Variants in TENM2 observed in about 807,000 individuals in gnomAD.
The protein encoded by TENM2 is teneurin-2.
In TENM2, 52 loss-of-function variants were observed where a neutral mutation model predicts 245.2. The ratio of observed to expected loss-of-function variants is 0.21; its 90% CI spans 0.17 to 0.27. TENM2 has a LOEUF of 0.27. Ranked by LOEUF, TENM2 falls within the 10% of genes least tolerant of loss-of-function variation. The pLI, the probability that TENM2 is intolerant of heterozygous loss-of-function variation, is 1.00. For missense variants in TENM2, 3,046 were observed against 3,666.8 expected, an observed-to-expected ratio of 0.83 and a Z score of 4.37; for synonymous variants, 1,363 against 1,438.9, an observed-to-expected ratio of 0.95 and a Z score of 1.19.
the TENM2 span, among the ~76,000 whole-genome samples, chr5:167,138,681 G>A: frequency 6.6e-5 from 10 of 152,130 alleles, no homozygotes; most frequent in Admixed American, 5.9e-4. Context: ...ACAGTGCAGT[G>A]GCATGATCTT....
chr5:167,182,051 A>G, the TENM2 span, among the ~76,000 whole-genome samples: 1 of 152,224 alleles, frequency 6.6e-6, no homozygotes, highest in Non-Finnish European at 1.5e-5. Flanking sequence ...CATAATAACT[A>G]ATATCCCTAT....
intron 2 of TENM2, chr5:167,755,252 G>T (rs1222114615): frequency 2.3e-6 from 3 of 1,297,950 alleles, no homozygotes; most frequent in Non-Finnish European, 2.2e-6. Flanking sequence ...TCACTGACAG[G>T]GTAGTTGGAG....
chr5:167,851,053 C>A (rs1770535096), intron 2 of TENM2, among the ~76,000 whole-genome samples: 1 of 152,180 alleles, frequency 6.6e-6, no homozygotes, highest in Non-Finnish European at 1.5e-5. Context: ...AACCCAGCAG[C>A]AAAGAGCAAA....
chr5:168,200,265 A>G (rs146509213), intron 17 of TENM2, 134 bp downstream of exon 19: 9 of 777,072 alleles, frequency 1.2e-5, no homozygotes, highest in Middle Eastern at 2.4e-4. Context: ...GAAGACAGAC[A>G]AGATTCCTCT....
chr5:168,169,401 A>G (rs1758598806), intron 13 of TENM2, among the ~76,000 whole-genome samples: 1 of 152,186 alleles, frequency 6.6e-6, no homozygotes, highest in Non-Finnish European at 1.5e-5. Flanking sequence ...GCCTTGGGTT[A>G]AGAGACGTGG....
chr5:167,829,955 G>A (rs2151086971), intron 2 of TENM2, among the ~76,000 whole-genome samples: 1 of 152,306 alleles, frequency 6.6e-6, no homozygotes, highest in African/African-American at 2.4e-5. Context: ...GCTCCTCATG[G>A]AGAGGCAATC....
At chr5:167,039,297 A>C in the TENM2 span, among the ~76,000 whole-genome samples, 1 of 152,106 alleles carries the variant, frequency 6.6e-6, no homozygotes, top group South Asian at 2.1e-4. Context: ...AGACCCCCGC[A>C]CTGGGGAGAT....
At chr5:167,414,394 G>T (rs773204977) in intron 2 of TENM2, among the ~76,000 whole-genome samples, 14 of 152,146 alleles carry the variant, frequency 9.2e-5, no homozygotes, top group South Asian at 4.2e-4. Flanking sequence ...TTAAAAAATT[G>T]ATTGGAATGA....
intron 7 of TENM2, among the ~76,000 whole-genome samples, chr5:168,084,373 C>T (rs1792264841): frequency 6.6e-6 from 1 of 152,244 alleles, no homozygotes; most frequent in Non-Finnish European, 1.5e-5. Context: ...ACATTCCCAT[C>T]AACAGTGTGT....
intron 4 of TENM2, among the ~76,000 whole-genome samples, chr5:167,967,425 G>C (rs1162821529): frequency 6.6e-6 from 1 of 152,148 alleles, no homozygotes; most frequent in Non-Finnish European, 1.5e-5. Flanking sequence ...AAAGAAACAA[G>C]CATTACATCT....
chr5:167,162,271 A>G, the TENM2 span, among the ~76,000 whole-genome samples: 3 of 152,266 alleles, frequency 2.0e-5, no homozygotes, highest in South Asian at 6.2e-4. Context: ...AGTTTTGAGA[A>G]TATGTTATAT....
At position 167,812,751 on chromosome 5, in the gene TENM2, A is replaced by G. The variant is rs1029294792; in HGVS notation, c.503-63235A>G. On this transcript the variant is annotated intron_variant, in intron 2 of 28. Coordinates refer to ENST00000518659, the Ensembl canonical transcript of TENM2. Reference sequence around the variant, plus strand: ...TTATACTCACAAGCCAAGGAGAACCATCTTTCTGAGCAATGCCTATCTTTG... The same window carrying G: ...TTATACTCACAAGCCAAGGAGAACCGTCTTTCTGAGCAATGCCTATCTTTG... Among the ~76,000 whole-genome samples the G allele has an allele frequency of 2.6e-5, 4 of 152,334 alleles. No individual in the cohort carries two copies. The East Asian group carries it at 7.7e-4, about 29-fold the overall frequency.
intron 9 of TENM2, 37 bp downstream of exon 11, chr5:168,098,164 A>G (rs1793519249): frequency 2.0e-6 from 3 of 1,478,106 alleles, no homozygotes; most frequent in South Asian, 1.2e-5. Context: ...GTTGGAAAAC[A>G]GACCCTCCCT....
chr5:167,403,667 A>G (rs763154166), intron 2 of TENM2, among the ~76,000 whole-genome samples: 8 of 152,172 alleles, frequency 5.3e-5, no homozygotes, highest in Non-Finnish European at 8.8e-5. Flanking sequence ...ATACGTGGCA[A>G]CTTCTTCAGA....
intron 17 of TENM2, among the ~76,000 whole-genome samples, chr5:168,201,244 A>T (rs1043943918): frequency 2.0e-5 from 3 of 152,036 alleles, no homozygotes; most frequent in Non-Finnish European, 2.9e-5. Flanking sequence ...AGTGTATTTA[A>T]TATACAACAC....
chr5:167,739,309 A>G (rs1386178220), intron 2 of TENM2, among the ~76,000 whole-genome samples: 2 of 152,206 alleles, frequency 1.3e-5, no homozygotes. Context: ...CAGTGATCCT[A>G]TGAAAAGCCA....
chr5:168,209,966 A>T (rs1320385621), intron 19 of TENM2, among the ~76,000 whole-genome samples: 1 of 152,208 alleles, frequency 6.6e-6, no homozygotes, highest in Non-Finnish European at 1.5e-5. Flanking sequence ...GACATCATTG[A>T]GACCCTGCAG....
At chr5:168,030,158 C>CTTTTTTTTTTTTTTTTTTTTTTTTTTTT (rs540326142) in intron 5 of TENM2, among the ~76,000 whole-genome samples, 2 of 65,288 alleles carry the variant, frequency 3.1e-5, no homozygotes, top group Non-Finnish European at 2.8e-5. Flanking sequence ...GGTTCTGGCT[C>CTTTTTTTTTTTTTTTTTTTTTTTTTTTT]TTTTTTTTTT....
intron 2 of TENM2, among the ~76,000 whole-genome samples, chr5:167,722,519 T>C (rs1759698361): frequency 6.6e-6 from 1 of 152,156 alleles, no homozygotes; most frequent in African/African-American, 2.4e-5. Flanking sequence ...ATTCACGGAT[T>C]CTTGTTGAGG....
Sources: allele counts gnomAD v4.1 joint callset (sites outside exome capture counted in the v4.1 genomes callset), GRCh38; gene constraint gnomAD v4.1.1; transcripts MANE v1.5; gene names NCBI Gene and HGNC (gene_info 2026-07-23, HGNC 2026-07-21).